XIAP: variants seen among roughly 807,000 people sequenced by gnomAD.
XIAP encodes the protein E3 ubiquitin-protein ligase XIAP.
In XIAP, 3 loss-of-function variants were observed where a neutral mutation model predicts 33.1. That is an observed-to-expected ratio of 0.09 (90% CI 0.04 to 0.23). XIAP has a LOEUF of 0.23. Among genes scored for constraint, XIAP ranks in the 10% least tolerant of loss-of-function variants. The pLI is 1.00. For synonymous variants in XIAP, 98 were observed against 121.3 expected (o/e 0.81, Z 1.26); for missense variants, 264 against 363.0 (o/e 0.73, Z 2.22).
In XIAP at chrX:123,907,406, C is replaced by A; in HGVS notation, c.*225C>A. 2.1e-6 allele frequency: 1 copy of A among 473,877 alleles called. No individual in the cohort carries two copies. Among genetic ancestry groups the A allele is most frequent in the Non-Finnish European group, 3.8e-6 (1 of 266,444 alleles). 39.1% of individuals were successfully genotyped at this position (473,877 alleles called of 1,213,427 possible). ...TTTTTTTACTGTTATTTAATTGAAA[C>A]CATAGACTAAGAATAAGAAGCATCA... On this transcript the variant is annotated 3_prime_UTR_variant, in exon 7 of 7. Transcript: ENST00000371199.
chrX:123,872,054 T>C (rs888672263), intron 1 of XIAP, among the ~76,000 whole-genome samples: 1 of 111,352 alleles, frequency 9.0e-6, no homozygotes, highest in African/African-American at 3.3e-5. Context: ...TGAGCCGAGA[T>C]TGTGCCACTG....
At chrX:123,869,215 A>G (rs778910311) in intron 1 of XIAP, among the ~76,000 whole-genome samples, 2 of 108,452 alleles carry the variant, frequency 1.8e-5, no homozygotes, top group Admixed American at 2.0e-4. Flanking sequence ...CACCTTAAAT[A>G]CAGAAATACA....
intron 2 of XIAP, among the ~76,000 whole-genome samples, 173 bp from the exon 3 acceptor site, chrX:123,888,446 C>T (rs1479027247): frequency 8.9e-6 from 1 of 112,451 alleles, no homozygotes; most frequent in Non-Finnish European, 1.9e-5. Flanking sequence ...GTGTGTATTT[C>T]TTCCTCAAAG....
At chrX:123,898,323 C>T (rs1218265397) in intron 5 of XIAP, among the ~76,000 whole-genome samples, 2 of 111,868 alleles carry the variant, frequency 1.8e-5, no homozygotes, top group African/African-American at 3.2e-5. Context: ...TATAACCTGC[C>T]AACAGAGTTT....
chrX:123,894,938 T>C (rs768279991), intron 5 of XIAP, among the ~76,000 whole-genome samples: 26 of 96,462 alleles, frequency 2.7e-4, no homozygotes, highest in Non-Finnish European at 3.9e-4. Flanking sequence ...ACCGAGATTC[T>C]ATCTCAAACA....
rs527373107 is a variant in XIAP, at chrX:123,888,904, T to G, written c.977+186T>G. On this transcript the variant is annotated intron_variant, in intron 3 of 6. Transcript: ENST00000371199. ...AAACATTCACTGCTTATGTGTGATA[T>G]CTATAACATTCAGATTATCCCTTTT... 1.3e-4 allele frequency among the ~76,000 whole-genome samples: 15 copies of G among 112,004 alleles called. No homozygotes were observed. The South Asian group carries it at 4.1e-3, about 30-fold the overall frequency.
chrX:123,897,513 CT>C (rs112177510), intron 5 of XIAP, among the ~76,000 whole-genome samples: 21,228 of 110,081 alleles, frequency 0.19, 1,480 homozygotes, highest in South Asian at 0.39. Flanking sequence ...ATAATAAAAC[CT>C]TGTATAAAGG....
At chrX:123,871,117 A>G (rs753677559) in intron 1 of XIAP, among the ~76,000 whole-genome samples, 2 of 109,937 alleles carry the variant, frequency 1.8e-5, no homozygotes, top group East Asian at 5.8e-4. Context: ...TAATTTTTGT[A>G]TTTTTAGTAG....
intron 4 of XIAP, 139 bp from the exon 5 acceptor site, chrX:123,892,592 A>G (rs1015651491): frequency 2.1e-5 from 10 of 479,769 alleles, no homozygotes; most frequent in Middle Eastern, 8.7e-4. Context: ...CCATCAGGCT[A>G]TGCCTCTTGT....
Position 123,892,754 on chromosome X carries a change from A to G in XIAP, c.1080A>G (p.Pro360=). The change falls in exon 5 of 7, where the codon CCA becomes CCG. Residue 360 remains proline, a synonymous_variant. Coordinates refer to ENST00000371199, the MANE Select transcript of XIAP (RefSeq NM_001167.4). The part of the protein sequence containing the change: ...ECLVRTTEKT[P]SLTRRIDDTI... The stretch of plus-strand genomic sequence containing the variant: ...AGGTAAGAACTACTGAGAAAACACC[A>G]TCACTAACTAGAAGAATTGGTAAAT... 8.3e-7 allele frequency: 1 copy of G among 1,199,452 alleles called. No individual in the cohort carries two copies. The highest frequency in any genetic ancestry group is 2.2e-5 in the Admixed American group (1 of 45,897).
rs1371888770 is a variant in XIAP, at chrX:123,886,656, TTA to T, written c.877+127_877+128del. ...AATATTTAGGTATAACTTGGCATGA[TTA>T]TATATATATCTGTATTATTCCGTGA... On this transcript the variant is annotated intron_variant, in intron 2 of 6. Transcript: ENST00000371199. 1.2e-5 allele frequency: 9 copies of T among 763,367 alleles called. No homozygotes were observed. In the East Asian group the frequency reaches 2.4e-4, roughly 20 times the overall value. The allele number at this position is 763,367 out of a possible 1,213,427, so 62.9% of individuals were successfully genotyped here.
At chrX:123,901,025 G>T (rs752918390) in intron 6 of XIAP, among the ~76,000 whole-genome samples, 1 of 111,591 alleles carries the variant, frequency 9.0e-6, no homozygotes, top group Admixed American at 9.6e-5. Flanking sequence ...GGACAAGATG[G>T]AGCAAGTACT....
At chrX:123,880,780 C>T (rs1602539870) in intron 1 of XIAP, among the ~76,000 whole-genome samples, 2 of 107,439 alleles carry the variant, frequency 1.9e-5, no homozygotes, top group South Asian at 8.0e-4. Context: ...ACTTTTGTGT[C>T]GTATACAGAC....
At chrX:123,865,938 A>G (rs2053130836) in intron 1 of XIAP, among the ~76,000 whole-genome samples, 1 of 99,871 alleles carries the variant, frequency 1.0e-5, no homozygotes, top group African/African-American at 3.7e-5. Context: ...TTTTTTTGGT[A>G]TCTCTTTTTT....
intron 1 of XIAP, among the ~76,000 whole-genome samples, chrX:123,880,594 A>G (rs1188541030): frequency 1.9e-5 from 2 of 102,786 alleles, no homozygotes; most frequent in African/African-American, 7.2e-5. Context: ...AAAATTAGCC[A>G]GGCGTGGTGG....
intron 5 of XIAP, among the ~76,000 whole-genome samples, chrX:123,896,514 T>G (rs2053461483): frequency 9.0e-6 from 1 of 111,371 alleles, no homozygotes; most frequent in Admixed American, 9.7e-5. Context: ...ATGATAGTTA[T>G]TTATATATAA....
chrX:123,887,023 G>A (rs965373573), intron 2 of XIAP, among the ~76,000 whole-genome samples: 7 of 112,025 alleles, frequency 6.2e-5, no homozygotes, highest in Admixed American at 3.8e-4. Flanking sequence ...GGGTTCAAGC[G>A]ATTCTCCTGC....
At chrX:123,876,630 A>G (rs2053247066) in intron 1 of XIAP, among the ~76,000 whole-genome samples, 1 of 110,988 alleles carries the variant, frequency 9.0e-6, no homozygotes, top group Non-Finnish European at 1.9e-5. Flanking sequence ...GCTTCAGCCC[A>G]GGAGGTCGAG....
At chrX:123,872,504 C>T (rs2053203908) in intron 1 of XIAP, 1 of 110,405 alleles carries the variant, frequency 9.1e-6, no homozygotes, top group Admixed American at 9.9e-5. Context: ...GTCTGGCCAA[C>T]ATGACGAAAC....
Sources: allele counts gnomAD v4.1 joint callset (sites outside exome capture counted in the v4.1 genomes callset), GRCh38; gene constraint gnomAD v4.1.1; transcripts MANE v1.5; gene names NCBI Gene and HGNC (gene_info 2026-07-23, HGNC 2026-07-21).